Variants in UNC80 observed in about 807,000 individuals in gnomAD.
UNC80 encodes protein unc-80 homolog.
UNC80 carries 164 observed loss-of-function variants against 384.6 expected under a neutral mutation model. The ratio of observed to expected loss-of-function variants is 0.43; its 90% CI spans 0.38 to 0.49. The LOEUF (loss-of-function observed/expected upper bound fraction) is 0.49. UNC80 is among the 20% of genes least tolerant of loss of function. The pLI is 0.00. For missense variants in UNC80, 3,330 were observed against 4,143.0 expected (o/e 0.80, Z 5.39); for synonymous variants, 1,486 against 1,527.8 (o/e 0.97, Z 0.64).
intron 25 of UNC80, among the ~76,000 whole-genome samples, chr2:209,881,462 T>C (rs1349919190): frequency 3.3e-5 from 5 of 152,240 alleles, no homozygotes; most frequent in Non-Finnish European, 7.3e-5. Flanking sequence ...CAACTGCTCA[T>C]AAATCTGTAT....
intron 21 of UNC80, among the ~76,000 whole-genome samples, chr2:209,847,918 A>C (rs570362799): frequency 1.3e-5 from 2 of 152,164 alleles, no homozygotes; most frequent in South Asian, 4.1e-4. Context: ...GGATTCACAA[A>C]AAAGAAAAAT....
intron 16 of UNC80, among the ~76,000 whole-genome samples, chr2:209,833,276 C>CAAAAAAA (rs554565630): frequency 4.1e-5 from 4 of 97,338 alleles, no homozygotes; most frequent in African/African-American, 1.1e-4. Flanking sequence ...TTTCCTAAGG[C>CAAAAAAA]AAAAAAAAAA....
rs2091488645 is a variant in UNC80 at position 209,939,647 on chromosome 2, C to T, written c.6641C>T (p.Pro2214Leu). ...IDAEFSLFSD[P>L]QAGKELFGLD... is the part of the protein sequence containing the mutation. ...GCTGAGTTTTCACTCTTCAGTGATC[C>T]TCAAGGTATCAAACAAAGAAACATT... The change falls in exon 43 of 65, where the codon CCT becomes CTT. Residue 2214 changes from proline (P) to leucine (L), a missense_variant. By Grantham distance (98) the Pro-to-Leu change is moderately conservative (BLOSUM62 -3). Coordinates refer to ENST00000673920, the MANE Select transcript of UNC80 (RefSeq NM_001371986.1). 5 of 1,545,186 alleles carry T rather than the reference C, an allele frequency of 3.2e-6. No homozygotes were observed. Among genetic ancestry groups the T allele is most frequent in the African/African-American group, 2.7e-5 (2 of 72,928 alleles).
At chr2:209,973,906 G>C (rs1234734325) in intron 56 of UNC80, among the ~76,000 whole-genome samples, 1 of 152,086 alleles carries the variant, frequency 6.6e-6, no homozygotes, top group East Asian at 1.9e-4. Context: ...GTCCAGTCCT[G>C]CTCCCATAGG....
intron 47 of UNC80, among the ~76,000 whole-genome samples, chr2:209,948,551 A>G (rs1344919193): frequency 6.6e-6 from 1 of 152,020 alleles, no homozygotes; most frequent in African/African-American, 2.4e-5. Context: ...TATATGTGTG[A>G]TTTCTTAGTG....
At chr2:209,982,560 A>G in intron 60 of UNC80, 1 of 366,794 alleles carries the variant, frequency 2.7e-6, no homozygotes. Flanking sequence ...AATTTTCCAT[A>G]GACACATGGT....
At chr2:209,807,117 T>A (rs2078949343) in intron 7 of UNC80, among the ~76,000 whole-genome samples, 1 of 152,186 alleles carries the variant, frequency 6.6e-6, no homozygotes, top group Admixed American at 6.5e-5. Context: ...TGTAAACACA[T>A]ACAATATTTT....
At chr2:209,782,459 T>C (rs1260387509) in intron 4 of UNC80, among the ~76,000 whole-genome samples, 1 of 152,148 alleles carries the variant, frequency 6.6e-6, no homozygotes, top group African/African-American at 2.4e-5. Flanking sequence ...TTTCCCTCTT[T>C]CTCTATTTCC....
intron 51 of UNC80, among the ~76,000 whole-genome samples, chr2:209,965,934 CAAA>C (rs112429893): frequency 8.5e-4 from 107 of 125,782 alleles, no homozygotes; most frequent in African/African-American, 2.7e-3. Flanking sequence ...AAACTTGTCT[CAAA>C]AAAAAAAAAA....
At chr2:209,803,228 A>G (rs1031744073) in intron 7 of UNC80, among the ~76,000 whole-genome samples, 1 of 152,212 alleles carries the variant, frequency 6.6e-6, no homozygotes, top group African/African-American at 2.4e-5. Context: ...AAAGGGTGTG[A>G]ACACCATCAG....
chr2:209,781,411 G>C (rs1390627849), intron 4 of UNC80, among the ~76,000 whole-genome samples: 2 of 152,140 alleles, frequency 1.3e-5, no homozygotes. Context: ...TTAGGTTTCT[G>C]TACCAGAGTT....
At chr2:209,948,928 A>G (rs1027632619) in intron 47 of UNC80, among the ~76,000 whole-genome samples, 2 of 152,264 alleles carry the variant, frequency 1.3e-5, no homozygotes, top group Non-Finnish European at 2.9e-5. Flanking sequence ...AATATTACCA[A>G]ATGTTCCTCT....
intron 33 of UNC80, 39 bp from the exon 34 acceptor site, chr2:209,921,461 G>A (rs1283998832): frequency 6.6e-6 from 10 of 1,515,966 alleles, no homozygotes; most frequent in Non-Finnish European, 8.9e-6. Flanking sequence ...CCTTGCAGAA[G>A]AATTGCTATT....
chr2:209,794,885 G>A (rs2078059909), intron 7 of UNC80: 1 of 428,036 alleles, frequency 2.3e-6, no homozygotes, highest in Non-Finnish European at 4.7e-6. Context: ...TCCCAGTTTG[G>A]GGTATTTATC....
intron 36 of UNC80, among the ~76,000 whole-genome samples, chr2:209,928,266 G>C (rs988569119): frequency 6.6e-6 from 1 of 152,160 alleles, no homozygotes; most frequent in Non-Finnish European, 1.5e-5. Flanking sequence ...AACCTGGAAG[G>C]CAGAGGTTGC....
intron 22 of UNC80, among the ~76,000 whole-genome samples, chr2:209,850,162 T>G (rs113243102): frequency 0.013 from 1,975 of 152,156 alleles, 47 homozygotes; most frequent in African/African-American, 0.043. Context: ...ACTTTGAACA[T>G]TGTGTGCTAT....
chr2:209,964,227 A>T (rs1342118301), intron 51 of UNC80, among the ~76,000 whole-genome samples: 1 of 151,818 alleles, frequency 6.6e-6, no homozygotes, highest in Non-Finnish European at 1.5e-5. Context: ...ACTACTCCTA[A>T]TGCATCAGTG....
intron 45 of UNC80, among the ~76,000 whole-genome samples, chr2:209,944,576 G>T (rs1559372363): frequency 6.6e-6 from 1 of 152,064 alleles, no homozygotes; most frequent in Non-Finnish European, 1.5e-5. Flanking sequence ...TTGTTTCAGT[G>T]AATTATTTAA....
chr2:209,909,876 T>C (rs925146222), intron 29 of UNC80, among the ~76,000 whole-genome samples: 5 of 151,978 alleles, frequency 3.3e-5, no homozygotes, highest in African/African-American at 9.7e-5. Flanking sequence ...CTGCCTCCCA[T>C]TGAACACAGC....
Sources: gnomAD v4.1 joint callset for allele counts (sites outside exome capture counted in the v4.1 genomes callset) on GRCh38, gnomAD v4.1.1 for gene constraint, MANE v1.5 for transcripts, NCBI Gene and HGNC (gene_info 2026-07-23, HGNC 2026-07-21) for gene names.